LPL: variants seen among roughly 807,000 people sequenced by gnomAD.
LPL encodes the protein lipoprotein lipase.
Under a neutral mutation model 52.2 loss-of-function variants are expected in LPL, and 43 were observed. The ratio of observed to expected loss-of-function variants is 0.82; its 90% CI spans 0.64 to 1.06. The LOEUF (loss-of-function observed/expected upper bound fraction) is 1.06, where lower values mean the gene tolerates loss of function less well. Among genes scored for constraint, LPL ranks in the 50% least tolerant of loss-of-function variants. The pLI, the probability that LPL is intolerant of heterozygous loss-of-function variation, is 0.00. For missense variants in LPL, 639 were observed against 585.3 expected, an observed-to-expected ratio of 1.09 and a Z score of -0.95; for synonymous variants, 244 against 215.6, an observed-to-expected ratio of 1.13 and a Z score of -1.15.
At position 19,939,692 on chromosome 8, in the gene LPL, G is replaced by C. The variant is rs2069813766; in HGVS notation, c.88+164G>C. Among the ~76,000 whole-genome samples, 3 of 152,212 alleles carry C rather than the reference G, an allele frequency of 2.0e-5. No individual in the cohort carries two copies. Among genetic ancestry groups the C allele is most frequent in the Admixed American group, 1.3e-4 (2 of 15,292 alleles). On this transcript the variant is annotated intron_variant, in intron 1 of 9. Transcript: ENST00000650287. This position sits in a 1 kb window ranked among gnomAD's most constrained non-coding sequence, Gnocchi z 4.0. Reference sequence around the variant, plus strand: ...GAAACGGTCCCCGGAGTGGGATCCAGGAGGGGCCGGGAGGGAATCTCCTCC... The same window carrying C: ...GAAACGGTCCCCGGAGTGGGATCCACGAGGGGCCGGGAGGGAATCTCCTCC...
intron 8 of LPL, among the ~76,000 whole-genome samples, 179 bp downstream of exon 8, chr8:19,961,262 G>GCT (rs2070036956): frequency 3.7e-5 from 2 of 53,770 alleles, no homozygotes; most frequent in African/African-American, 1.3e-4. Flanking sequence ...TGGGGGGCAG[G>GCT]GGGGGGGAAG....
chr8:19,952,443 G>T (rs1210891137), intron 3 of LPL, among the ~76,000 whole-genome samples: 1 of 152,168 alleles, frequency 6.6e-6, no homozygotes, highest in Non-Finnish European at 1.5e-5. Flanking sequence ...GGAAGGGAAG[G>T]TGCATAGGAT....
rs749430133 is a variant in LPL, at chr8:19,959,274, G to A, written c.1033G>A (p.Val345Ile). 34 of 1,613,954 alleles carry A rather than the reference G, an allele frequency of 2.1e-5. No homozygotes were observed. The highest frequency in any genetic ancestry group is 2.7e-5 in the Non-Finnish European group (32 of 1,180,002). Residue 345 changes from valine to isoleucine, a missense_variant, in exon 7 of 10, where the codon GTA becomes ATA. Val to Ile is a conservative substitution (Grantham distance 29). Transcript: ENST00000650287. ...QMPYKVFHYQ[V>I]KIHFSGTESE... ...CTCCCCAACAGTCTTCCATTACCAA[G>A]TAAAGATTCATTTTTCTGGGACTGA...
rs1323482630 is a variant in LPL at position 19,950,498 on chromosome 8, T to G, written c.250-1271T>G. Reference sequence around the variant, plus strand: ...AGTTGGATGTCCAGCCTTTTTAGATTGCTTAACTTGGAAACACTGGGCTGG... The same window carrying G: ...AGTTGGATGTCCAGCCTTTTTAGATGGCTTAACTTGGAAACACTGGGCTGG... On this transcript the variant is annotated intron_variant, in intron 2 of 9. Transcript: ENST00000650287. This position sits in a 1 kb window ranked among gnomAD's most constrained non-coding sequence, Gnocchi z 4.2. Among the ~76,000 whole-genome samples the G allele has an allele frequency of 2.0e-5, 3 of 152,186 alleles. No homozygotes were observed. The highest frequency in any genetic ancestry group is 4.4e-5 in the Non-Finnish European group (3 of 68,026).
At position 19,951,929 on chromosome 8, in the gene LPL, G is replaced by A. The variant is rs527267420; in HGVS notation, c.410G>A (p.Arg137Gln). The part of the protein sequence containing the change: ...YTKLVGQDVA[R>Q]FINWMEEEFN... ...AAACTGGTGGGACAGGATGTGGCCC[G>A]GTTTATCAACTGGATGGAGGTAAGA... is the stretch of plus-strand genomic sequence containing the variant. Residue 137 changes from arginine to glutamine, a missense_variant, in exon 3 of 10, where the codon CGG becomes CAG. Coordinates refer to ENST00000650287, the MANE Select transcript of LPL (RefSeq NM_000237.3). 167 of 1,613,976 alleles carry A rather than the reference G, an allele frequency of 1.0e-4. No individual in the cohort carries two copies. Among genetic ancestry groups the A allele is most frequent in the Admixed American group, 4.5e-4 (27 of 59,988 alleles).
At chr8:19,958,540 G>A (rs1208565477) in intron 6 of LPL, among the ~76,000 whole-genome samples, 1 of 151,856 alleles carries the variant, frequency 6.6e-6, no homozygotes, top group African/African-American at 2.4e-5. Context: ...TGGCCTCACT[G>A]ATGGCTCAAT....
rs1189490716 is a variant in LPL, at chr8:19,950,289, C to T, written c.250-1480C>T. ...TTAAAACATAGTAATTATTGAACCT[C>T]AGAAGAAAAACTCAGATTGAAAGAA... On this transcript the variant is annotated intron_variant, in intron 2 of 9. Transcript: ENST00000650287. The surrounding 1 kb of genome is among the most constrained non-coding windows in gnomAD (Gnocchi z 4.2). Among the ~76,000 whole-genome samples the T allele has an allele frequency of 6.6e-6, 1 of 152,198 alleles. No homozygotes were observed. Among genetic ancestry groups the T allele is most frequent in the East Asian group, 1.9e-4 (1 of 5,202 alleles).
intron 2 of LPL, among the ~76,000 whole-genome samples, chr8:19,948,935 TAA>T (rs530320828): frequency 6.9e-6 from 1 of 144,124 alleles, no homozygotes; most frequent in Non-Finnish European, 1.5e-5. Context: ...TTCTGGAAAT[TAA>T]AAAAAAAAAG....
intron 6 of LPL, among the ~76,000 whole-genome samples, chr8:19,958,435 G>C (rs1356750624): frequency 6.6e-6 from 1 of 152,176 alleles, no homozygotes; most frequent in Non-Finnish European, 1.5e-5. Flanking sequence ...ACCAGAGGAG[G>C]GGCAGGGAGG....
chr8:19,958,386 C>A (rs1563578806), intron 6 of LPL, among the ~76,000 whole-genome samples: 2 of 152,000 alleles, frequency 1.3e-5, no homozygotes, highest in Non-Finnish European at 1.5e-5. Flanking sequence ...TTCCTTTTAA[C>A]CTCTCCCCAG....
At chr8:19,954,406 T>G (rs1192669507) in intron 5 of LPL, 53 bp downstream of exon 5, 1 of 1,524,432 alleles carries the variant, frequency 6.6e-7, no homozygotes, top group African/African-American at 1.4e-5. Flanking sequence ...TAACCCTTAT[T>G]GACCCAATGT....
intron 2 of LPL, 186 bp downstream of exon 2, chr8:19,948,526 G>C (rs1729345628): frequency 1.6e-6 from 1 of 642,690 alleles, no homozygotes; most frequent in African/African-American, 1.8e-5. Flanking sequence ...ACTCCCCCTA[G>C]GCAGTGCCAG....
Position 19,956,040 on chromosome 8 carries a change from C to T in LPL, c.975C>T (p.Ser325=). The stretch of plus-strand genomic sequence containing the variant: ...TCAATAAAGTCAGAGCCAAAAGAAG[C>T]AGCAAAATGTACCTGAAGACTCGTT... ...YEINKVRAKR[S]SKMYLKTRSQ... is the part of the protein sequence containing the mutation. Residue 325 remains serine, a synonymous_variant, in exon 6 of 10, where the codon AGC becomes AGT. Coordinates refer to ENST00000650287, the MANE Select transcript of LPL (RefSeq NM_000237.3). The T allele has an allele frequency of 6.2e-7, 1 of 1,614,156 alleles. No individual in the cohort carries two copies.
At chr8:19,943,515 T>G (rs1004179124) in intron 1 of LPL, among the ~76,000 whole-genome samples, 2 of 152,222 alleles carry the variant, frequency 1.3e-5, no homozygotes, top group African/African-American at 4.8e-5. Context: ...ATCATGGACT[T>G]TCATTGTGTT....
Position 19,954,338 on chromosome 8 carries a change from G to C in LPL, c.760G>C (p.Glu254Gln). Residue 254 changes from glutamate to glutamine, a missense_variant, in exon 5 of 10, where the codon GAG (glutamate) becomes CAG (glutamine). Glu to Gln is a conservative substitution (Grantham distance 29). Transcript: ENST00000650287. Reference sequence around the variant, plus strand: ...TGGAGAAGCTATCCGCGTGATTGCAGAGAGAGGACTTGGAGGTAAATATTA... The same window carrying C: ...TGGAGAAGCTATCCGCGTGATTGCACAGAGAGGACTTGGAGGTAAATATTA... ...NIGEAIRVIA[E>Q]RGLGDVDQLV... 6.2e-7 allele frequency: 1 copy of C among 1,613,960 alleles called. No individual in the cohort carries two copies. The highest frequency in any genetic ancestry group is 1.3e-5 in the African/African-American group (1 of 75,034).
chr8:19,949,410 A>G (rs927987632), intron 2 of LPL, among the ~76,000 whole-genome samples: 7 of 152,212 alleles, frequency 4.6e-5, no homozygotes, highest in African/African-American at 1.2e-4. Flanking sequence ...TAGTAAATTC[A>G]ATATTTTGTG....
Position 19,964,156 on chromosome 8 carries a change from T to G in LPL, c.*-1154T>G, listed in dbSNP as rs146744580. ...TAGTAGAGAAAGGGTTTCACCATGT[T>G]GGTCAGGCTGGTCTTGAACTCCTAA... On this transcript the variant is annotated intron_variant, in intron 9 of 9. Transcript: ENST00000650287. 7.5e-4 allele frequency among the ~76,000 whole-genome samples: 114 copies of G among 152,286 alleles called. 4 individuals are homozygous for G. The East Asian group carries it at 0.019, about 25-fold the overall frequency.
intron 7 of LPL, 103 bp from the exon 8 acceptor site, chr8:19,960,798 C>T: frequency 1.2e-6 from 1 of 810,788 alleles, no homozygotes; most frequent in Non-Finnish European, 2.1e-6. Context: ...TTAAAATATC[C>T]CCTAAATAAT....
Position 19,966,417 on chromosome 8 carries a change from C to G in LPL, c.*1107C>G, listed in dbSNP as rs556207295. Reference sequence around the variant, plus strand: ...CCTAAGCAGTGCTTGTAAACCATCGCGTGCAATGAGCCAGATGGAGTACCA... The same window carrying G: ...CCTAAGCAGTGCTTGTAAACCATCGGGTGCAATGAGCCAGATGGAGTACCA... On this transcript the variant is annotated 3_prime_UTR_variant, in exon 10 of 10. Coordinates refer to ENST00000650287, the MANE Select transcript of LPL (RefSeq NM_000237.3). The G allele has an allele frequency of 2.0e-5, 3 of 152,132 alleles. No homozygotes were observed. The highest frequency in any genetic ancestry group is 7.2e-5 in the African/African-American group (3 of 41,418). The allele number at this position is 152,132 out of a possible 1,614,324, so 9.4% of individuals were successfully genotyped here.
Sources: gnomAD v4.1 joint callset for allele counts (sites outside exome capture counted in the v4.1 genomes callset) on GRCh38, gnomAD v4.1.1 for gene constraint, Gnocchi (gnomAD v3.1) non-coding constraint, MANE v1.5 for transcripts, NCBI Gene and HGNC (gene_info 2026-07-23, HGNC 2026-07-21) for gene names.